Variants in TAOK3 observed in about 807,000 individuals in gnomAD.
The protein encoded by TAOK3 is TAO kinase 3, also known as serine/threonine-protein kinase TAO3.
A neutral mutation model predicts 120.4 loss-of-function variants in TAOK3; 40 were observed. The ratio of observed to expected loss-of-function variants is 0.33; its 90% confidence interval spans 0.26 to 0.43. The LOEUF (loss-of-function observed/expected upper bound fraction) is 0.43, where lower values mean the gene tolerates loss of function less well. Ranked by LOEUF, TAOK3 falls within the 20% of genes least tolerant of loss-of-function variation. TAOK3 has a pLI of 1.00. For missense variants in TAOK3, 821 were observed against 1,112.1 expected, an observed-to-expected ratio of 0.74 and a Z score of 3.72; for synonymous variants, 355 against 387.5, an observed-to-expected ratio of 0.92 and a Z score of 0.99.
intron 1 of TAOK3, among the ~76,000 whole-genome samples, chr12:118,329,338 A>G (rs1459749689): frequency 6.6e-6 from 1 of 152,230 alleles, no homozygotes; most frequent in South Asian, 2.1e-4. Flanking sequence ...AATTAACATG[A>G]GAACACACCA....
chr12:118,345,145 G>A (rs2044799373), intron 1 of TAOK3, among the ~76,000 whole-genome samples: 1 of 152,126 alleles, frequency 6.6e-6, no homozygotes, highest in Non-Finnish European at 1.5e-5. Flanking sequence ...TTAGTGTAGT[G>A]ACATAAATTT....
intron 1 of TAOK3, among the ~76,000 whole-genome samples, chr12:118,370,890 T>G (rs893314114): frequency 6.6e-6 from 1 of 152,194 alleles, no homozygotes; most frequent in African/African-American, 2.4e-5. Flanking sequence ...TTTATCTCTC[T>G]CCTTAGCTTG....
chr12:118,217,468 C>T (rs1391519927), intron 9 of TAOK3, among the ~76,000 whole-genome samples: 2 of 151,898 alleles, frequency 1.3e-5, no homozygotes, highest in African/African-American at 4.8e-5. Flanking sequence ...GGCAGATCAC[C>T]TGAGGTCAGG....
At chr12:118,268,082 C>A (rs1007331717) in intron 1 of TAOK3, among the ~76,000 whole-genome samples, 1 of 152,050 alleles carries the variant, frequency 6.6e-6, no homozygotes, top group Non-Finnish European at 1.5e-5. Flanking sequence ...GCCATATCAC[C>A]AAATACTGTT....
intron 2 of TAOK3, among the ~76,000 whole-genome samples, chr12:118,256,369 G>C (rs1302064779): frequency 6.6e-6 from 1 of 152,044 alleles, no homozygotes; most frequent in Non-Finnish European, 1.5e-5. Flanking sequence ...TAAATACCGA[G>C]TTACCATTTG....
rs572662107 is a variant in TAOK3, at chr12:118,158,953, C to G, written c.2352+1193G>C. ...CATATACTGTATCCTCTGTCAGGAACAACTTTTTCTTTTATGCCTATTTGG... is the reference window on the plus strand; with the variant it reads ...CATATACTGTATCCTCTGTCAGGAAGAACTTTTTCTTTTATGCCTATTTGG... On this transcript the variant is annotated intron_variant, in intron 19 of 20. Transcript: ENST00000392533. Among the ~76,000 whole-genome samples, 5 of 152,288 alleles carry G rather than the reference C, an allele frequency of 3.3e-5. No homozygotes were observed. In the East Asian group the frequency reaches 9.7e-4, roughly 29 times the overall value.
At chr12:118,309,256 G>A (rs2043174920) in intron 1 of TAOK3, among the ~76,000 whole-genome samples, 1 of 149,214 alleles carries the variant, frequency 6.7e-6, no homozygotes, top group African/African-American at 2.5e-5. Flanking sequence ...CTTGAACCCA[G>A]AGGTAGAGGT....
At chr12:118,183,545 G>T (rs2036895000) in intron 14 of TAOK3, among the ~76,000 whole-genome samples, 1 of 152,006 alleles carries the variant, frequency 6.6e-6, no homozygotes, top group Admixed American at 6.6e-5. Flanking sequence ...CAGAAAATGT[G>T]TTTTTTTAAT....
At chr12:118,364,139 A>G (rs1186349573) in intron 1 of TAOK3, among the ~76,000 whole-genome samples, 1 of 152,158 alleles carries the variant, frequency 6.6e-6, no homozygotes, top group Admixed American at 6.5e-5. Context: ...TCCATCTCAA[A>G]AAACAAACAA....
At position 118,240,969 on chromosome 12, in the gene TAOK3, G is replaced by A. The variant is rs550539509; in HGVS notation, c.295-1697C>T. 4.7e-5 allele frequency among the ~76,000 whole-genome samples: 7 copies of A among 149,230 alleles called. No homozygotes were observed. In the South Asian group the frequency reaches 1.5e-3, roughly 31 times the overall value. On this transcript the variant is annotated intron_variant, in intron 5 of 20. Transcript: ENST00000392533. ...ATTTAGAAACTATTATACTTTTATAGTTATATATTATAAATATCAATATAT... is the reference window on the plus strand; with the variant it reads ...ATTTAGAAACTATTATACTTTTATAATTATATATTATAAATATCAATATAT...
intron 7 of TAOK3, 42 bp downstream of exon 7, chr12:118,238,031 G>T: frequency 7.3e-7 from 1 of 1,361,064 alleles, no homozygotes; most frequent in Non-Finnish European, 1.0e-6. Context: ...GGAATAGACA[G>T]TCCTGCAACT....
chr12:118,224,245 T>C (rs2039394577), intron 9 of TAOK3, among the ~76,000 whole-genome samples: 1 of 152,216 alleles, frequency 6.6e-6, no homozygotes, highest in African/African-American at 2.4e-5. Context: ...ATGGTATCTC[T>C]TCAATAACTC....
At chr12:118,253,123 C>T (rs1466814995) in intron 3 of TAOK3, among the ~76,000 whole-genome samples, 4 of 152,114 alleles carry the variant, frequency 2.6e-5, no homozygotes, top group African/African-American at 4.8e-5. Context: ...GTGAGGGAAG[C>T]AGAAGTAATG....
chr12:118,207,183 G>A (rs541336060), intron 11 of TAOK3, among the ~76,000 whole-genome samples: 106 of 151,694 alleles, frequency 7.0e-4, no homozygotes, highest in African/African-American at 2.2e-3. Flanking sequence ...AAAATTAGCC[G>A]GGCGTGGTGG....
At chr12:118,277,734 C>T (rs1358452845) in intron 1 of TAOK3, among the ~76,000 whole-genome samples, 1 of 152,086 alleles carries the variant, frequency 6.6e-6, no homozygotes, top group African/African-American at 2.4e-5. Flanking sequence ...GCTGGGATTA[C>T]AGGCATGAGC....
intron 3 of TAOK3, among the ~76,000 whole-genome samples, chr12:118,249,871 AG>A (rs773485961): frequency 6.6e-6 from 1 of 152,104 alleles, no homozygotes; most frequent in Non-Finnish European, 1.5e-5. Context: ...AAAGTGAAAA[AG>A]CTTTCTTTTT....
chr12:118,204,547 T>G (rs1456190172), intron 11 of TAOK3, among the ~76,000 whole-genome samples: 1 of 152,176 alleles, frequency 6.6e-6, no homozygotes, highest in East Asian at 1.9e-4. Flanking sequence ...GAGTCCTTTT[T>G]GAATAAAAAA....
At chr12:118,193,172 T>C (rs1191124922) in intron 13 of TAOK3, among the ~76,000 whole-genome samples, 1 of 149,744 alleles carries the variant, frequency 6.7e-6, no homozygotes, top group East Asian at 2.0e-4. Context: ...CTCAGCCTCC[T>C]GAGTAGCTGG....
intron 17 of TAOK3, among the ~76,000 whole-genome samples, chr12:118,163,161 A>G (rs2035332525): frequency 6.6e-6 from 1 of 152,200 alleles, no homozygotes; most frequent in Admixed American, 6.5e-5. Context: ...TAAAAACCAC[A>G]TATGTGGTAG....
Sources: allele counts gnomAD v4.1 joint callset (sites outside exome capture counted in the v4.1 genomes callset), GRCh38; gene constraint gnomAD v4.1.1; transcripts MANE v1.5; gene names NCBI Gene and HGNC (gene_info 2026-07-23, HGNC 2026-07-21).